TRAPPC12: variants seen among roughly 807,000 people sequenced by gnomAD.
TRAPPC12 encodes TPR repeat protein 15.
TRAPPC12 carries 61 observed loss-of-function variants against 69.2 expected under a neutral mutation model. The ratio of observed to expected loss-of-function variants is 0.88; its 90% confidence interval spans 0.72 to 1.09. The LOEUF is 1.09. TRAPPC12 is among the 50% of genes least tolerant of loss of function. TRAPPC12 has a pLI of 0.00. For synonymous variants in TRAPPC12, 469 were observed against 438.9 expected (o/e 1.07, Z -0.86); for missense variants, 1,101 against 1,016.4 (o/e 1.08, Z -1.13).
Position 3,387,770 on chromosome 2 carries a change from G to A in TRAPPC12, c.147G>A (p.Glu49=), listed in dbSNP as rs1660564139. The change falls in exon 2 of 12, where the codon GAG becomes GAA. Residue 49 remains glutamate (E), a synonymous_variant. Transcript: ENST00000324266. Reference sequence around the variant, plus strand: ...ATGAGTTTGGATCCGAAGAGAACGAGACCGCATCGGAAGGCTCGAGTCCTC... The same window carrying A: ...ATGAGTTTGGATCCGAAGAGAACGAAACCGCATCGGAAGGCTCGAGTCCTC... ...GGDEFGSEEN[E]TASEGSSPLA... The A allele has an allele frequency of 6.2e-6, 10 of 1,613,004 alleles. No individual in the cohort carries two copies. The highest frequency in any genetic ancestry group is 8.5e-6 in the Non-Finnish European group (10 of 1,179,434).
chr2:3,431,191 C>G (rs1489021010), intron 5 of TRAPPC12, among the ~76,000 whole-genome samples: 1 of 152,252 alleles, frequency 6.6e-6, no homozygotes, highest in Non-Finnish European at 1.5e-5. Context: ...GCTGCCCTCG[C>G]CGTCTTCCAT....
At chr2:3,447,969 A>G (rs889531196) in intron 6 of TRAPPC12, among the ~76,000 whole-genome samples, 2 of 152,190 alleles carry the variant, frequency 1.3e-5, no homozygotes, top group African/African-American at 4.8e-5. Flanking sequence ...TGTTTAAAGT[A>G]TTCACCACAC....
chr2:3,395,004 T>C lies in TRAPPC12; in HGVS notation c.1047+6334T>C, dbSNP rs115125807. On this transcript the variant is annotated intron_variant, in intron 2 of 11. Transcript: ENST00000324266. ...GGAAAGCATATTTGAGTACAGTCTTTTTTGTGGATATATTTTCGTTTCTCT... is the reference window on the plus strand; with the variant it reads ...GGAAAGCATATTTGAGTACAGTCTTCTTTGTGGATATATTTTCGTTTCTCT... 4.1e-3 allele frequency among the ~76,000 whole-genome samples: 624 copies of C among 152,304 alleles called. 2 individuals carry two copies. Among genetic ancestry groups the C allele is most frequent in the African/African-American group, 0.013 (541 of 41,554 alleles).
chr2:3,465,342 C>A (rs183328854), intron 8 of TRAPPC12, among the ~76,000 whole-genome samples: 1 of 152,272 alleles, frequency 6.6e-6, no homozygotes, highest in African/African-American at 2.4e-5. Flanking sequence ...AACTAAACCG[C>A]GACAGCCCCC....
At chr2:3,441,472 T>C (rs1664194448) in intron 5 of TRAPPC12, among the ~76,000 whole-genome samples, 1 of 152,092 alleles carries the variant, frequency 6.6e-6, no homozygotes, top group South Asian at 2.1e-4. Context: ...TTATGTCTTC[T>C]CTGTTTTTTG....
intron 2 of TRAPPC12, among the ~76,000 whole-genome samples, chr2:3,398,996 T>C (rs536571299): frequency 1.3e-5 from 2 of 152,302 alleles, no homozygotes; most frequent in East Asian, 3.9e-4. Context: ...CAGTAACGGC[T>C]AGAGGAGATG....
intron 5 of TRAPPC12, among the ~76,000 whole-genome samples, chr2:3,438,921 A>G (rs778019901): frequency 7.2e-5 from 11 of 152,096 alleles, no homozygotes; most frequent in Non-Finnish European, 1.0e-4. Context: ...TGTAGATACA[A>G]GTTTTATCAC....
intron 5 of TRAPPC12, among the ~76,000 whole-genome samples, chr2:3,439,920 C>A (rs1025101947): frequency 2.0e-5 from 3 of 151,444 alleles, no homozygotes; most frequent in Middle Eastern, 3.4e-3. Flanking sequence ...TCCAGTTGTC[C>A]CAGCACCATT....
chr2:3,465,335 T>G (rs1356783049), intron 8 of TRAPPC12, among the ~76,000 whole-genome samples: 1 of 152,152 alleles, frequency 6.6e-6, no homozygotes, highest in African/African-American at 2.4e-5. Flanking sequence ...CAGGCCCAAC[T>G]AAACCGCGAC....
At chr2:3,463,032 A>T (rs1359108733) in intron 8 of TRAPPC12, 1 of 457,668 alleles carries the variant, frequency 2.2e-6, no homozygotes, top group Non-Finnish European at 4.6e-6. Flanking sequence ...TGCTGAAAAG[A>T]AATGGTGAAG....
At chr2:3,421,769 G>C (rs1662801371) in intron 3 of TRAPPC12, 112 bp from the exon 4 acceptor site, 1 of 947,276 alleles carries the variant, frequency 1.1e-6, no homozygotes, top group Non-Finnish European at 1.7e-6. Flanking sequence ...ACGGCTGGCT[G>C]GCGCTGCTTC....
rs1316163657 is a variant in TRAPPC12, at chr2:3,479,250, A to G, written c.1997A>G (p.Tyr666Cys). 3.1e-6 allele frequency: 5 copies of G among 1,613,916 alleles called. No individual in the cohort carries two copies. Among genetic ancestry groups the G allele is most frequent in the Non-Finnish European group, 4.2e-6 (5 of 1,179,960 alleles). The change falls in exon 12 of 12, where the codon TAC becomes TGC. Residue 666 changes from tyrosine (Y) to cysteine (C), a missense_variant. Physicochemically the swap from Tyr to Cys is radical, Grantham distance 194. Transcript: ENST00000324266. ...ANNNAAVCLLYLGKLKDSLRQ... is the reference protein window; with the variant it reads ...ANNNAAVCLLCLGKLKDSLRQ... ...AACAACGCTGCCGTGTGTCTGCTCTACCTGGGCAAGCTCAAGGACTCCCTG... is the reference window on the plus strand; with the variant it reads ...AACAACGCTGCCGTGTGTCTGCTCTGCCTGGGCAAGCTCAAGGACTCCCTG...
chr2:3,443,140 A>C (rs558764814), intron 5 of TRAPPC12, among the ~76,000 whole-genome samples: 5 of 152,338 alleles, frequency 3.3e-5, no homozygotes, highest in Non-Finnish European at 7.3e-5. Context: ...TCCTCTTCTT[A>C]GCGCACGCAA....
intron 6 of TRAPPC12, among the ~76,000 whole-genome samples, chr2:3,450,944 C>G (rs1183452985): frequency 6.6e-6 from 1 of 152,184 alleles, no homozygotes; most frequent in African/African-American, 2.4e-5. Flanking sequence ...CCCCTGCAGA[C>G]AGCACTTTCC....
chr2:3,402,407 T>C (rs574195058), intron 3 of TRAPPC12, among the ~76,000 whole-genome samples: 35 of 152,084 alleles, frequency 2.3e-4, no homozygotes, highest in Non-Finnish European at 4.1e-4. Context: ...CTGGCCAACA[T>C]GGTGAACCCC....
At chr2:3,399,176 TTAAC>T (rs1281646439) in intron 2 of TRAPPC12, among the ~76,000 whole-genome samples, 1 of 152,234 alleles carries the variant, frequency 6.6e-6, no homozygotes, top group African/African-American at 2.4e-5. Flanking sequence ...AGCTAAAATA[TTAAC>T]TAACAGAGAA....
chr2:3,404,856 A>G (rs1661638889), intron 3 of TRAPPC12, among the ~76,000 whole-genome samples: 1 of 149,210 alleles, frequency 6.7e-6, no homozygotes, highest in Non-Finnish European at 1.5e-5. Flanking sequence ...GAAGGAGCTC[A>G]TACAAAAGGA....
chr2:3,399,351 A>G (rs910898069), intron 2 of TRAPPC12, among the ~76,000 whole-genome samples: 7 of 152,150 alleles, frequency 4.6e-5, no homozygotes, highest in African/African-American at 1.7e-4. Flanking sequence ...GACGAGTTGC[A>G]TTTTTGCAGA....
At chr2:3,474,528 A>AG (rs2103172081) in intron 9 of TRAPPC12, among the ~76,000 whole-genome samples, 1 of 152,288 alleles carries the variant, frequency 6.6e-6, no homozygotes, top group Admixed American at 6.5e-5. Flanking sequence ...GCGCCCAAGG[A>AG]GGGGAGGGCC....
Sources: gnomAD v4.1 joint callset for allele counts (sites outside exome capture counted in the v4.1 genomes callset) on GRCh38, gnomAD v4.1.1 for gene constraint, MANE v1.5 for transcripts, NCBI Gene and HGNC (gene_info 2026-07-23, HGNC 2026-07-21) for gene names.